The following AACS variants were observed in gnomAD, a reference collection of about 807,000 sequenced individuals.
AACS encodes the protein acetoacetate-CoA ligase.
Under a neutral mutation model 83.1 loss-of-function variants are expected in AACS, and 69 were observed. That is an observed-to-expected ratio of 0.83 (90% CI 0.68 to 1.01). The LOEUF (loss-of-function observed/expected upper bound fraction) is 1.01, where lower values mean the gene tolerates loss of function less well. Among genes scored for constraint, AACS ranks in the 50% least tolerant of loss-of-function variants. The probability of loss-of-function intolerance (pLI) is 0.00; values close to 1 mark genes in which losing one functional copy is unlikely to be tolerated. For synonymous variants in AACS, 333 were observed against 343.4 expected (o/e 0.97, Z 0.33); for missense variants, 866 against 882.2 (o/e 0.98, Z 0.23).
At chr12:125,084,065 C>T (rs568097088) in intron 3 of AACS, among the ~76,000 whole-genome samples, 10 of 152,200 alleles carry the variant, frequency 6.6e-5, no homozygotes, top group East Asian at 1.9e-4. Context: ...CGGTGGTTCG[C>T]GCCTGTAATC....
chr12:125,134,697 C>T lies in AACS; in HGVS notation c.1620-97C>T, dbSNP rs1593010551. 2.9e-6 allele frequency: 4 copies of T among 1,358,106 alleles called. No individual in the cohort carries two copies. The East Asian group carries it at 9.3e-5, about 32-fold the overall frequency. The allele number at this position is 1,358,106 out of a possible 1,614,324, so 84.1% of individuals were successfully genotyped here. The stretch of plus-strand genomic sequence containing the variant: ...GTCCGTGACTAGTCCTGGGGGATGC[C>T]ATGGGAAAGTGGGGGGTGACTGCCC... On this transcript the variant is annotated intron_variant, in intron 15 of 17. Coordinates refer to ENST00000316519, the MANE Select transcript of AACS (RefSeq NM_023928.5).
rs1158464830 is a variant in AACS, at chr12:125,113,038, C to T, written c.916-1439C>T. 6.6e-6 allele frequency among the ~76,000 whole-genome samples: 1 copy of T among 152,212 alleles called. No homozygotes were observed. The highest frequency in any genetic ancestry group is 1.5e-5 in the Non-Finnish European group (1 of 68,030). ...AGACTTGGAGCCAAACCATATCAGG[C>T]AGCGTCTGCCTGTCTGCCTGGCAGT... On this transcript the variant is annotated intron_variant, in intron 8 of 17. Transcript: ENST00000316519. This position sits in a 1 kb window ranked among gnomAD's most constrained non-coding sequence, Gnocchi z 4.8.
chr12:125,078,558 C>T (rs769258454), intron 3 of AACS, among the ~76,000 whole-genome samples: 11 of 152,166 alleles, frequency 7.2e-5, no homozygotes, highest in African/African-American at 2.4e-4. Flanking sequence ...CAGTGGCTCA[C>T]GCCTGTAATC....
In AACS at chr12:125,141,941, C is replaced by T. The variant is rs1957502548; in HGVS notation, c.1882-151C>T. 3.3e-6 allele frequency: 3 copies of T among 921,188 alleles called. No individual in the cohort carries two copies. In the South Asian group the frequency reaches 4.7e-5, roughly 14 times the overall value. The allele number at this position is 921,188 out of a possible 1,614,324, so 57.1% of individuals were successfully genotyped here. ...CGTACTTCGGTGCACGTTTGCAGAC[C>T]TGGTGGGAAGAGGGGCATCTTAGAG... On this transcript the variant is annotated intron_variant, in intron 17 of 17. Coordinates refer to ENST00000316519, the MANE Select transcript of AACS (RefSeq NM_023928.5).
chr12:125,118,629 C>T lies in AACS; in HGVS notation c.997-12C>T. 1 of 1,613,924 alleles carries T rather than the reference C, an allele frequency of 6.2e-7. No individual in the cohort carries two copies. The highest frequency in any genetic ancestry group is 1.1e-5 in the South Asian group (1 of 91,036). On this transcript the variant is annotated splice_polypyrimidine_tract_variant and intron_variant, in intron 9 of 17. Transcript: ENST00000316519. ...AGCGCCCGCTGAAGCCGCATCCCTC[C>T]TGTCTTTGCAGGTCGGCTGGATGAT...
intron 5 of AACS, among the ~76,000 whole-genome samples, chr12:125,100,316 A>G (rs904194144): frequency 8.5e-5 from 13 of 152,242 alleles, no homozygotes; most frequent in African/African-American, 2.9e-4. Flanking sequence ...CAAGTCCATC[A>G]TTAGTTTTTC....
intron 17 of AACS, among the ~76,000 whole-genome samples, chr12:125,137,586 C>T (rs1051957248): frequency 6.6e-5 from 10 of 152,218 alleles, no homozygotes; most frequent in African/African-American, 1.7e-4. Context: ...GCAGGTCTTC[C>T]TAAGGCTGTG....
At chr12:125,095,119 C>G (rs1382840391) in intron 5 of AACS, among the ~76,000 whole-genome samples, 1 of 152,134 alleles carries the variant, frequency 6.6e-6, no homozygotes, top group Non-Finnish European at 1.5e-5. Flanking sequence ...TGATTGGTTG[C>G]TAAGCACCGT....
At chr12:125,089,530 C>T (rs1161105795) in intron 4 of AACS, among the ~76,000 whole-genome samples, 1 of 152,176 alleles carries the variant, frequency 6.6e-6, no homozygotes, top group Non-Finnish European at 1.5e-5. Flanking sequence ...TTCCCTGCCT[C>T]TGTTGTCATG....
chr12:125,096,313 G>A (rs1956606708), intron 5 of AACS, among the ~76,000 whole-genome samples: 1 of 152,184 alleles, frequency 6.6e-6, no homozygotes, highest in South Asian at 2.1e-4. Flanking sequence ...CTGGGGCCTG[G>A]CACATAGTAA....
chr12:125,103,020 G>T lies in AACS; in HGVS notation c.706G>T (p.Val236Leu), dbSNP rs150718667. ...VVKGLPDLKK[V>L]VVIPYVSSRE... Reference sequence around the variant, plus strand: ...TCCAGGCCTACCAGACTTGAAGAAAGTGGTGGTGATTCCTTATGTGTCCTC... The same window carrying T: ...TCCAGGCCTACCAGACTTGAAGAAATTGGTGGTGATTCCTTATGTGTCCTC... Residue 236 changes from valine (V) to leucine (L), a missense_variant, in exon 7 of 18, where the codon GTG (valine) becomes TTG (leucine). By Grantham distance (32) the Val-to-Leu change is conservative (BLOSUM62 1). Transcript: ENST00000316519. 408 of 1,613,850 alleles carry T rather than the reference G, an allele frequency of 2.5e-4. No individual in the cohort carries two copies. Among genetic ancestry groups the T allele is most frequent in the Admixed American group, 5.2e-4 (31 of 59,986 alleles).
chr12:125,127,866 C>T (rs544037146), intron 12 of AACS: 7 of 231,134 alleles, frequency 3.0e-5, no homozygotes, highest in African/African-American at 1.4e-4. Context: ...CCATTTTCTG[C>T]GATCCTGAGT....
intron 1 of AACS, among the ~76,000 whole-genome samples, chr12:125,070,169 G>A (rs546550613): frequency 2.6e-5 from 4 of 152,142 alleles, no homozygotes; most frequent in Non-Finnish European, 5.9e-5. Context: ...TATAAACTGC[G>A]TGCATTTTAC....
In AACS at chr12:125,066,450, A is replaced by ATTTT. The variant is rs34299644; in HGVS notation, c.133+748_133+751dup. On this transcript the variant is annotated intron_variant, in intron 1 of 17. Transcript: ENST00000316519. ...TGCCTCCCCTAGGTATTCCTAGGGG[A>ATTTT]TTTTTTTTTTTTTTTTTTGAGACAG... 5.2e-3 allele frequency among the ~76,000 whole-genome samples: 558 copies of ATTTT among 106,884 alleles called. 13 individuals are homozygous for ATTTT. Among genetic ancestry groups the ATTTT allele is most frequent in the African/African-American group, 0.02 (538 of 26,548 alleles). 70.1% of individuals were successfully genotyped at this position (106,884 alleles called of 152,430 possible).
Position 125,086,417 on chromosome 12 carries a change from G to T in AACS, c.446G>T (p.Gly149Val). Residue 149 changes from glycine (G) to valine (V), a missense_variant, in exon 4 of 18, where the codon GGT becomes GTT. Gly to Val is a moderately radical substitution (Grantham distance 109, BLOSUM62 -3). Transcript: ENST00000316519. ...ALFAAAMRKM[G>V]VKKGDRVVGY... ...TTTGCAGCAGCAATGAGGAAAATGG[G>T]TGTGAAGAAAGGAGATCGGGTTGTT... 1 of 1,614,196 alleles carries T rather than the reference G, an allele frequency of 6.2e-7. No homozygotes were observed. The highest frequency in any genetic ancestry group is 8.5e-7 in the Non-Finnish European group (1 of 1,180,038).
chr12:125,099,858 T>C (rs1267776523), intron 5 of AACS, among the ~76,000 whole-genome samples: 1 of 152,094 alleles, frequency 6.6e-6, no homozygotes, highest in Non-Finnish European at 1.5e-5. Context: ...CTATTTTTAG[T>C]AGAGATGGGG....
At chr12:125,068,983 G>C (rs573860170) in intron 1 of AACS, among the ~76,000 whole-genome samples, 1 of 152,152 alleles carries the variant, frequency 6.6e-6, no homozygotes. Context: ...GGGATTACAG[G>C]CATGCAACAC....
intron 1 of AACS, among the ~76,000 whole-genome samples, chr12:125,069,883 G>A (rs1008432965): frequency 2.0e-5 from 3 of 152,362 alleles, no homozygotes; most frequent in African/African-American, 7.2e-5. Context: ...GGCATTCCAC[G>A]AATGGGGCAT....
At chr12:125,066,267 T>C (rs1444238861) in intron 1 of AACS, among the ~76,000 whole-genome samples, 1 of 151,778 alleles carries the variant, frequency 6.6e-6, no homozygotes, top group African/African-American at 2.4e-5. Flanking sequence ...AAACAGAACC[T>C]AGTAAAAGAC....
Sources: gnomAD v4.1 joint callset for allele counts (sites outside exome capture counted in the v4.1 genomes callset) on GRCh38, gnomAD v4.1.1 for gene constraint, Gnocchi (gnomAD v3.1) non-coding constraint, MANE v1.5 for transcripts, NCBI Gene and HGNC (gene_info 2026-07-23, HGNC 2026-07-21) for gene names.